The following KDM7A variants were observed in gnomAD, a reference collection of about 807,000 sequenced individuals.
KDM7A encodes lysine demethylase 7A.
A neutral mutation model predicts 114.8 loss-of-function variants in KDM7A; 28 were observed. The observed-to-expected ratio is 0.24, with a 90% CI of 0.18 to 0.33. The LOEUF (loss-of-function observed/expected upper bound fraction) is 0.33, where lower values mean the gene tolerates loss of function less well. KDM7A is among the 10% of genes least tolerant of loss of function. KDM7A has a pLI of 1.00. For synonymous variants in KDM7A, 423 were observed against 397.8 expected, an observed-to-expected ratio of 1.06 and a Z score of -0.75; for missense variants, 942 against 1,142.5, an observed-to-expected ratio of 0.82 and a Z score of 2.53.
chr7:140,175,173 G>C (rs1049066125), intron 1 of KDM7A, among the ~76,000 whole-genome samples: 2 of 152,202 alleles, frequency 1.3e-5, no homozygotes, highest in African/African-American at 4.8e-5. Flanking sequence ...ACTGTGTCTT[G>C]TTTTCTGTTG....
rs753597984 is a variant in KDM7A, at chr7:140,091,045, A to C, written c.*49T>G. 4 of 1,349,754 alleles carry C rather than the reference A, an allele frequency of 3.0e-6. No homozygotes were observed. The Admixed American group carries it at 6.8e-5, about 23-fold the overall frequency. The allele number at this position is 1,349,754 out of a possible 1,614,324, so 83.6% of individuals were successfully genotyped here. A position where few individuals can be genotyped will look rare whatever the true frequency, so the allele number is the denominator to read the frequency against. ...GACAGCGGAAGCTCCAGGCTCCTGC[A>C]CCCCTAGACTGGTCTCCAAAGGGAA... On this transcript the variant is annotated 3_prime_UTR_variant, in exon 20 of 20. Coordinates refer to ENST00000397560, the MANE Select transcript of KDM7A (RefSeq NM_030647.2).
intron 11 of KDM7A, among the ~76,000 whole-genome samples, chr7:140,107,663 C>T (rs1442649597): frequency 1.3e-5 from 2 of 152,334 alleles, no homozygotes; most frequent in African/African-American, 2.4e-5. Flanking sequence ...ATGGGCTTCC[C>T]TTTGTGGGTA....
At chr7:140,172,220 T>C (rs184388153) in intron 1 of KDM7A, among the ~76,000 whole-genome samples, 6 of 152,318 alleles carry the variant, frequency 3.9e-5, no homozygotes, top group Admixed American at 2.0e-4. Context: ...AAATTTCTTA[T>C]TGAGAAATTG....
At chr7:140,129,400 T>C in intron 4 of KDM7A, 93 bp downstream of exon 4, 1 of 1,077,324 alleles carries the variant, frequency 9.3e-7, no homozygotes, top group Non-Finnish European at 1.4e-6. Context: ...AAAACTAAAT[T>C]GACATTTCTT....
intron 1 of KDM7A, among the ~76,000 whole-genome samples, chr7:140,148,400 T>C (rs903350861): frequency 8.0e-6 from 1 of 125,082 alleles, no homozygotes; most frequent in African/African-American, 3.0e-5. Flanking sequence ...TTTTGTTTTG[T>C]TTTTTGTTTT....
In KDM7A at chr7:140,086,089, T is replaced by C. The variant is rs1817919919; in HGVS notation, c.*5005A>G. On this transcript the variant is annotated 3_prime_UTR_variant, in exon 20 of 20. Transcript: ENST00000397560. ...TGGTTGGAGACAAGTTTTACCTTTA[T>C]AATTAAGCTCCATTTATGACTACTT... 6.6e-6 allele frequency: 1 copy of C among 152,226 alleles called. No individual in the cohort carries two copies. The allele number at this position is 152,226 out of a possible 1,614,324, so 9.4% of individuals were successfully genotyped here. A position where few individuals can be genotyped will look rare whatever the true frequency, so the allele number is the denominator to read the frequency against.
chr7:140,095,804 TG>T (rs1217720297), intron 17 of KDM7A: 2 of 157,952 alleles, frequency 1.3e-5, no homozygotes, highest in Non-Finnish European at 2.8e-5. Context: ...GCTTGAGGCC[TG>T]GAGGTTGAGG....
chr7:140,133,636 G>C lies in KDM7A; in HGVS notation c.301C>G (p.His101Asp). The change falls in exon 3 of 20, where the codon CAC (histidine) becomes GAC (aspartate). Residue 101 changes from histidine to aspartate, a missense_variant. Transcript: ENST00000397560. ...TCAATTTCTGTGTAGTCATGTCTGTGCCAGTTCCTCCTTTTTTTCACTGGA... is the reference window on the plus strand; with the variant it reads ...TCAATTTCTGTGTAGTCATGTCTGTCCCAGTTCCTCCTTTTTTTCACTGGA... ...SSLMKKRRNW[H>D]RHDYTEIDDG... 6.2e-7 allele frequency: 1 copy of C among 1,601,706 alleles called. No individual in the cohort carries two copies. Among genetic ancestry groups the C allele is most frequent in the Non-Finnish European group, 8.5e-7 (1 of 1,172,210 alleles).
intron 11 of KDM7A, among the ~76,000 whole-genome samples, chr7:140,104,751 G>C (rs1818298368): frequency 1.3e-5 from 2 of 152,126 alleles, no homozygotes; most frequent in Admixed American, 1.3e-4. Flanking sequence ...TGTTCTTTTT[G>C]CTTAGGATTG....
intron 9 of KDM7A, among the ~76,000 whole-genome samples, chr7:140,115,205 GTCCGGGAGGTAGGGGGC>G (rs1562950342): frequency 2.0e-4 from 30 of 149,378 alleles, no homozygotes; most frequent in African/African-American, 7.2e-4. Flanking sequence ...CAGCCGCCCC[GTCCGGGAGGTAGGGGGC>G]GCCTCTGCCC....
At chr7:140,093,323 C>T (rs1312214567) in intron 18 of KDM7A, among the ~76,000 whole-genome samples, 3 of 152,168 alleles carry the variant, frequency 2.0e-5, no homozygotes, top group Non-Finnish European at 2.9e-5. Context: ...CTTAAACAGT[C>T]GACTCATGTT....
intron 1 of KDM7A, among the ~76,000 whole-genome samples, chr7:140,144,710 T>TACACACACACAC (rs3030431): frequency 5.5e-5 from 8 of 146,322 alleles, no homozygotes; most frequent in African/African-American, 1.8e-4. Flanking sequence ...GTCCCCACCA[T>TACACACACACAC]ACACACACAC....
chr7:140,156,397 T>C (rs1464647470), intron 1 of KDM7A, among the ~76,000 whole-genome samples: 1 of 152,234 alleles, frequency 6.6e-6, no homozygotes, highest in East Asian at 1.9e-4. Flanking sequence ...TCAAATCCCC[T>C]ATCTCTTGCT....
intron 14 of KDM7A, among the ~76,000 whole-genome samples, chr7:140,098,664 C>A (rs141090920): frequency 6.6e-6 from 1 of 152,304 alleles, no homozygotes; most frequent in Non-Finnish European, 1.5e-5. Context: ...CAAACATCCC[C>A]TCACTGAGAA....
At chr7:140,175,290 A>G (rs1390244326) in intron 1 of KDM7A, among the ~76,000 whole-genome samples, 1 of 152,180 alleles carries the variant, frequency 6.6e-6, no homozygotes. Flanking sequence ...TGTGATTTAC[A>G]TGGTTTTCTC....
At chr7:140,094,432 G>A (rs1353761567) in intron 17 of KDM7A, among the ~76,000 whole-genome samples, 7 of 152,046 alleles carry the variant, frequency 4.6e-5, no homozygotes, top group South Asian at 2.1e-4. Flanking sequence ...TTGAACCCGA[G>A]AGGTGGAGGT....
At chr7:140,136,643 T>C (rs868255230) in intron 2 of KDM7A, among the ~76,000 whole-genome samples, 1 of 152,222 alleles carries the variant, frequency 6.6e-6, no homozygotes, top group African/African-American at 2.4e-5. Flanking sequence ...GTAGTTATTA[T>C]ACTGGCTAAA....
At chr7:140,115,231 C>T (rs1386495903) in intron 9 of KDM7A, among the ~76,000 whole-genome samples, 2 of 148,082 alleles carry the variant, frequency 1.4e-5, no homozygotes, top group Non-Finnish European at 3.0e-5. Context: ...GCGCCTCTGC[C>T]CGGCCGCCCC....
chr7:140,099,569 CCA>C, intron 13 of KDM7A, among the ~76,000 whole-genome samples: 1 of 152,162 alleles, frequency 6.6e-6, no homozygotes. Flanking sequence ...AGGAACCAGG[CCA>C]CACAGCAGGA....
Sources: allele counts gnomAD v4.1 joint callset (sites outside exome capture counted in the v4.1 genomes callset), GRCh38; gene constraint gnomAD v4.1.1; transcripts MANE v1.5; gene names NCBI Gene and HGNC (gene_info 2026-07-23, HGNC 2026-07-21).